CMTM4: variants seen among roughly 807,000 people sequenced by gnomAD.
CMTM4 encodes the protein CKLF-like MARVEL transmembrane domain-containing protein 4.
A neutral mutation model predicts 19.0 loss-of-function variants in CMTM4; 8 were observed. That is an observed-to-expected ratio of 0.42 (90% CI 0.25 to 0.76). The LOEUF is 0.76. Among genes scored for constraint, CMTM4 ranks in the 30% least tolerant of loss-of-function variants. CMTM4 has a pLI of 0.27. For missense variants in CMTM4, 228 were observed against 290.2 expected (o/e 0.79, Z 1.56); for synonymous variants, 106 against 121.1 (o/e 0.88, Z 0.82).
chr16:66,673,966 C>A (rs573537748), intron 1 of CMTM4, among the ~76,000 whole-genome samples: 169 of 152,334 alleles, frequency 1.1e-3, no homozygotes, highest in African/African-American at 3.8e-3. Context: ...CAGTTTTTGC[C>A]CCCAAGTTCT....
intron 1 of CMTM4, among the ~76,000 whole-genome samples, chr16:66,695,548 G>C (rs1396316794): frequency 1.3e-5 from 2 of 152,184 alleles, no homozygotes; most frequent in East Asian, 1.9e-4. Context: ...AGCAGGAACA[G>C]AGCTGAGAGG....
intron 1 of CMTM4, among the ~76,000 whole-genome samples, chr16:66,675,949 C>G (rs1220520505): frequency 6.6e-6 from 1 of 152,012 alleles, no homozygotes; most frequent in Non-Finnish European, 1.5e-5. Context: ...ACCTCGTACT[C>G]CCAGTCTCCT....
chr16:66,656,911 A>G (rs1046263218), intron 1 of CMTM4, among the ~76,000 whole-genome samples: 6 of 152,190 alleles, frequency 3.9e-5, no homozygotes, highest in Non-Finnish European at 1.5e-5. Context: ...TGTCAATGAC[A>G]TGAAATGAAG....
chr16:66,693,629 C>T (rs915568118), intron 1 of CMTM4, among the ~76,000 whole-genome samples: 1 of 152,130 alleles, frequency 6.6e-6, no homozygotes, highest in Non-Finnish European at 1.5e-5. Flanking sequence ...CTTTACTCAC[C>T]CACATATAAC....
At chr16:66,687,294 C>T (rs1205903055) in intron 1 of CMTM4, among the ~76,000 whole-genome samples, 1 of 152,028 alleles carries the variant, frequency 6.6e-6, no homozygotes, top group Non-Finnish European at 1.5e-5. Flanking sequence ...AGTATATGAG[C>T]TTTAAGGCTA....
At chr16:66,640,216 G>A (rs923639177) in intron 1 of CMTM4, among the ~76,000 whole-genome samples, 1 of 152,052 alleles carries the variant, frequency 6.6e-6, no homozygotes, top group Admixed American at 6.6e-5. Context: ...CAAGAGAACT[G>A]CTTGAGCCTG....
intron 1 of CMTM4, among the ~76,000 whole-genome samples, chr16:66,660,484 A>G (rs2016481711): frequency 6.6e-6 from 1 of 152,044 alleles, no homozygotes; most frequent in Admixed American, 6.6e-5. Flanking sequence ...AAGTCTATTG[A>G]TAAGGAGAAG....
intron 1 of CMTM4, among the ~76,000 whole-genome samples, chr16:66,683,129 G>GTA (rs751833787): frequency 0.033 from 3,785 of 115,868 alleles, 92 homozygotes; most frequent in African/African-American, 0.061. Flanking sequence ...GTGTGTGTGT[G>GTA]TATATATATA....
Position 66,619,509 on chromosome 16 carries a change from T to C in CMTM4, c.*2549A>G, listed in dbSNP as rs1020406417. 7 of 985,338 alleles carry C rather than the reference T, an allele frequency of 7.1e-6. No individual in the cohort carries two copies. Among genetic ancestry groups the C allele is most frequent in the Non-Finnish European group, 7.2e-6 (6 of 829,944 alleles). 61.0% of individuals were successfully genotyped at this position (985,338 alleles called of 1,614,324 possible). A position where few individuals can be genotyped will look rare whatever the true frequency, so the allele number is the denominator to read the frequency against. On this transcript the variant is annotated 3_prime_UTR_variant, in exon 4 of 4. Coordinates refer to ENST00000394106, the MANE Select transcript of CMTM4 (RefSeq NM_181521.3). ...CTGATATTGGTCCCTATTGAAACTA[T>C]TAAACGCAAAAACGCTTCCTTCAAT...
At position 66,619,067 on chromosome 16, in the gene CMTM4, G is replaced by C. The variant is rs2015580335; in HGVS notation, c.*2991C>G. 3.0e-6 allele frequency: 3 copies of C among 985,380 alleles called. No homozygotes were observed. The highest frequency in any genetic ancestry group is 9.4e-5 in the South Asian group (2 of 21,298). 61.0% of individuals were successfully genotyped at this position (985,380 alleles called of 1,614,324 possible). On this transcript the variant is annotated 3_prime_UTR_variant, in exon 4 of 4. Transcript: ENST00000394106. ...ACTTCAAATCAAACTTCTCTGACGA[G>C]ATTTTAATCTGAAACTGCATCTGTT...
intron 1 of CMTM4, among the ~76,000 whole-genome samples, chr16:66,668,413 AC>A (rs2016643860): frequency 6.6e-6 from 1 of 151,964 alleles, no homozygotes; most frequent in African/African-American, 2.4e-5. Flanking sequence ...TGACCACAGA[AC>A]TTATGGATTG....
rs930369909 is a variant in CMTM4 at position 66,648,607 on chromosome 16, G to A, written c.187-12026C>T. 2.0e-5 allele frequency among the ~76,000 whole-genome samples: 3 copies of A among 151,500 alleles called. No homozygotes were observed. The South Asian group carries it at 6.3e-4, about 32-fold the overall frequency. ...CGGGAGGCGGAGGCTGCAGTGAGCCGAGATCACGCCATTGCACTCCGGCCT... is the reference window on the plus strand; with the variant it reads ...CGGGAGGCGGAGGCTGCAGTGAGCCAAGATCACGCCATTGCACTCCGGCCT... On this transcript the variant is annotated intron_variant, in intron 1 of 3. Coordinates refer to ENST00000394106, the MANE Select transcript of CMTM4 (RefSeq NM_181521.3).
intron 1 of CMTM4, among the ~76,000 whole-genome samples, chr16:66,667,655 C>T (rs1309532627): frequency 3.3e-5 from 5 of 152,122 alleles, no homozygotes; most frequent in African/African-American, 9.7e-5. Flanking sequence ...TTTGGGAGGC[C>T]GAGGTGGGCA....
At chr16:66,689,261 T>C (rs1180592862) in intron 1 of CMTM4, among the ~76,000 whole-genome samples, 2 of 152,230 alleles carry the variant, frequency 1.3e-5, no homozygotes, top group Non-Finnish European at 2.9e-5. Context: ...TACAGTATAA[T>C]GTTAGCTGTA....
At chr16:66,653,826 C>A (rs192922669) in intron 1 of CMTM4, among the ~76,000 whole-genome samples, 1 of 152,112 alleles carries the variant, frequency 6.6e-6, no homozygotes, top group African/African-American at 2.4e-5. Context: ...CTCTGCCTAC[C>A]GGGTTCAAGC....
intron 1 of CMTM4, among the ~76,000 whole-genome samples, chr16:66,690,710 C>T (rs2017118815): frequency 6.6e-6 from 1 of 152,142 alleles, no homozygotes; most frequent in African/African-American, 2.4e-5. Context: ...CTTACAATTC[C>T]TAAAATGGTC....
intron 1 of CMTM4, among the ~76,000 whole-genome samples, chr16:66,669,642 C>T (rs908643216): frequency 2.6e-5 from 4 of 151,968 alleles, no homozygotes; most frequent in African/African-American, 2.4e-5. Flanking sequence ...CCCAGGTTCA[C>T]GCCATTCTCC....
chr16:66,646,482 A>G (rs543595653), intron 1 of CMTM4, among the ~76,000 whole-genome samples: 1 of 152,224 alleles, frequency 6.6e-6, no homozygotes, highest in South Asian at 2.1e-4. Flanking sequence ...ATCTATAGTA[A>G]AATATTGATA....
At position 66,620,952 on chromosome 16, in the gene CMTM4, C is replaced by T. The variant is rs981762627; in HGVS notation, c.*1106G>A. 4.1e-6 allele frequency: 4 copies of T among 985,762 alleles called. No homozygotes were observed. The highest frequency in any genetic ancestry group is 1.1e-4 in the East Asian group (1 of 8,820). 61.1% of individuals were successfully genotyped at this position (985,762 alleles called of 1,614,324 possible). ...TAGCTAGGATTTTTCCCCCCAACAA[C>T]TCCCAAGAATGATGTCTACAGTTAT... On this transcript the variant is annotated 3_prime_UTR_variant, in exon 4 of 4. Coordinates refer to ENST00000394106, the MANE Select transcript of CMTM4 (RefSeq NM_181521.3).
Sources: allele counts gnomAD v4.1 joint callset (sites outside exome capture counted in the v4.1 genomes callset), GRCh38; gene constraint gnomAD v4.1.1; transcripts MANE v1.5; gene names NCBI Gene and HGNC (gene_info 2026-07-23, HGNC 2026-07-21).